ADAMTS19: variants seen among roughly 807,000 people sequenced by gnomAD.
The protein encoded by ADAMTS19 is A disintegrin and metalloproteinase with thrombospondin motifs 19.
Under a neutral mutation model 153.3 loss-of-function variants are expected in ADAMTS19, and 93 were observed. The ratio of observed to expected loss-of-function variants is 0.61; its 90% CI spans 0.51 to 0.72. ADAMTS19 has a LOEUF of 0.72. ADAMTS19 is among the 30% of genes least tolerant of loss of function. The pLI, the probability that ADAMTS19 is intolerant of heterozygous loss-of-function variation, is 0.00. For synonymous variants in ADAMTS19, 600 were observed against 556.6 expected (o/e 1.08, Z -1.10); for missense variants, 1,482 against 1,552.1 (o/e 0.95, Z 0.76).
intron 18 of ADAMTS19, among the ~76,000 whole-genome samples, chr5:129,693,831 A>G (rs983369955): frequency 6.6e-6 from 1 of 152,186 alleles, no homozygotes; most frequent in African/African-American, 2.4e-5. Flanking sequence ...CTGGTAAAAG[A>G]TGGTAAGAGT....
intron 7 of ADAMTS19, among the ~76,000 whole-genome samples, chr5:129,555,967 G>A (rs1015197157): frequency 9.2e-5 from 14 of 152,120 alleles, no homozygotes; most frequent in African/African-American, 3.4e-4. Flanking sequence ...TGAGTCAAAA[G>A]GTTTGTGCAT....
rs1561629567 is a variant in ADAMTS19 at position 129,654,330 on chromosome 5, C to T, written c.2201C>T (p.Ser734Phe). The T allele has an allele frequency of 6.2e-7, 1 of 1,611,996 alleles. No individual in the cohort carries two copies. Among genetic ancestry groups the T allele is most frequent in the Non-Finnish European group, 8.5e-7 (1 of 1,179,538 alleles). The part of the protein sequence containing the change: ...DEEKPCALFC[S>F]PVGKEQPILL... Reference sequence around the variant, plus strand: ...GAAAAACCATGTGCCTTGTTTTGCTCTCCTGTTGGAAAAGAACAGCCTATT... The same window carrying T: ...GAAAAACCATGTGCCTTGTTTTGCTTTCCTGTTGGAAAAGAACAGCCTATT... Residue 734 changes from serine (S) to phenylalanine (F), a missense_variant, in exon 14 of 23, where the codon TCT (serine) becomes TTT (phenylalanine). Ser to Phe is a radical substitution (Grantham distance 155). Around this residue, in one of 2 missense-constraint regions of ADAMTS19, gnomAD observed 616 missense variants for 724.4 expected, o/e 0.85. Transcript: ENST00000274487.
intron 16 of ADAMTS19, among the ~76,000 whole-genome samples, chr5:129,671,503 A>G (rs1754298436): frequency 6.6e-6 from 1 of 152,218 alleles, no homozygotes. Context: ...GAAGGAAGTC[A>G]TTGGAAATAT....
intron 7 of ADAMTS19, among the ~76,000 whole-genome samples, chr5:129,577,094 T>A (rs1473572525): frequency 6.6e-6 from 1 of 152,110 alleles, no homozygotes; most frequent in Non-Finnish European, 1.5e-5. Flanking sequence ...GGAATAGAGT[T>A]CCAAAAGTGT....
intron 18 of ADAMTS19, among the ~76,000 whole-genome samples, chr5:129,691,816 A>G (rs528323806): frequency 1.3e-5 from 2 of 152,320 alleles, no homozygotes; most frequent in South Asian, 4.1e-4. Context: ...CTTTTGATAT[A>G]ACAATACTTA....
chr5:129,578,783 A>G (rs566239877), intron 7 of ADAMTS19, among the ~76,000 whole-genome samples: 2 of 152,042 alleles, frequency 1.3e-5, no homozygotes, highest in African/African-American at 4.8e-5. Flanking sequence ...ATCCTTTTTT[A>G]TGGCTGCATA....
At chr5:129,733,694 T>C (rs1757543659) in intron 21 of ADAMTS19, among the ~76,000 whole-genome samples, 2 of 152,102 alleles carry the variant, frequency 1.3e-5, no homozygotes, top group South Asian at 4.1e-4. Context: ...GGAATACTTA[T>C]ACATTGTTAG....
At chr5:129,626,981 C>A (rs1752079959) in intron 10 of ADAMTS19, among the ~76,000 whole-genome samples, 2 of 151,970 alleles carry the variant, frequency 1.3e-5, no homozygotes, top group Non-Finnish European at 2.9e-5. Flanking sequence ...AGTGGGAGAA[C>A]AAGCTATGCA....
intron 2 of ADAMTS19, among the ~76,000 whole-genome samples, chr5:129,464,862 A>G (rs1347475079): frequency 2.0e-5 from 3 of 152,186 alleles, no homozygotes; most frequent in Non-Finnish European, 4.4e-5. Flanking sequence ...TAACAGTCTT[A>G]TTTGAGTCAT....
chr5:129,500,184 G>T (rs1477742583), intron 2 of ADAMTS19, among the ~76,000 whole-genome samples: 2 of 152,068 alleles, frequency 1.3e-5, no homozygotes, highest in Admixed American at 6.6e-5. Context: ...TTTCTTAGAA[G>T]AAATTACATC....
intron 16 of ADAMTS19, among the ~76,000 whole-genome samples, chr5:129,669,840 TGTTA>T (rs1209056097): frequency 1.3e-5 from 2 of 152,120 alleles, no homozygotes; most frequent in Non-Finnish European, 2.9e-5. Flanking sequence ...TTGCATTGGT[TGTTA>T]GTGTGTTGTT....
chr5:129,673,015 T>C (rs1754378140), intron 16 of ADAMTS19, among the ~76,000 whole-genome samples: 1 of 152,090 alleles, frequency 6.6e-6, no homozygotes, highest in African/African-American at 2.4e-5. Context: ...CTTATTATAC[T>C]ATAATACCTA....
chr5:129,464,579 A>G (rs562165228), intron 2 of ADAMTS19, among the ~76,000 whole-genome samples: 1 of 152,342 alleles, frequency 6.6e-6, no homozygotes, highest in Admixed American at 6.5e-5. Context: ...GTACCAAAGG[A>G]AATAGAACAT....
intron 2 of ADAMTS19, among the ~76,000 whole-genome samples, chr5:129,492,388 A>C (rs952163462): frequency 6.6e-6 from 1 of 152,146 alleles, no homozygotes; most frequent in African/African-American, 2.4e-5. Context: ...AAACTGTATC[A>C]TAAGTGGAGG....
intron 2 of ADAMTS19, among the ~76,000 whole-genome samples, chr5:129,499,755 GT>G (rs1751038621): frequency 6.6e-6 from 1 of 152,134 alleles, no homozygotes; most frequent in Non-Finnish European, 1.5e-5. Context: ...ATCAGGGATT[GT>G]TTTTGAATAT....
intron 10 of ADAMTS19, among the ~76,000 whole-genome samples, chr5:129,638,783 C>T (rs181244689): frequency 3.9e-5 from 6 of 152,176 alleles, no homozygotes; most frequent in Admixed American, 3.9e-4. Flanking sequence ...AATGCATACG[C>T]AGTTAAAATT....
chr5:129,701,253 C>G, intron 19 of ADAMTS19, 135 bp from the exon 20 acceptor site: 1 of 937,320 alleles, frequency 1.1e-6, no homozygotes, highest in Middle Eastern at 2.3e-4. Context: ...CCACATGGAA[C>G]TGTGTCAATT....
chr5:129,639,171 A>G (rs918377531), intron 10 of ADAMTS19, among the ~76,000 whole-genome samples: 1 of 152,152 alleles, frequency 6.6e-6, no homozygotes, highest in African/African-American at 2.4e-5. Flanking sequence ...GTTGAAAAAA[A>G]TATTTGACCC....
At chr5:129,627,554 ATAGAG>A (rs1752105644) in intron 10 of ADAMTS19, among the ~76,000 whole-genome samples, 1 of 151,144 alleles carries the variant, frequency 6.6e-6, no homozygotes, top group Non-Finnish European at 1.5e-5. Flanking sequence ...GAAACCATCA[ATAGAG>A]TAAAGAGACA....
Sources: gnomAD v4.1 joint callset for allele counts (sites outside exome capture counted in the v4.1 genomes callset) on GRCh38, gnomAD v4.1.1 for gene constraint, gnomAD v4.1.1 regional missense constraint, MANE v1.5 for transcripts, NCBI Gene and HGNC (gene_info 2026-07-23, HGNC 2026-07-21) for gene names.